The following RBFOX3 variants were observed in gnomAD, a reference collection of about 807,000 sequenced individuals.
RBFOX3 encodes RNA binding fox-1 homolog 3, also known as RNA binding protein fox-1 homolog 3.
RBFOX3 carries 17 observed loss-of-function variants against 48.7 expected under a neutral mutation model. The ratio of observed to expected loss-of-function variants is 0.35; its 90% CI spans 0.24 to 0.52. The LOEUF (loss-of-function observed/expected upper bound fraction) is 0.52, where lower values mean the gene tolerates loss of function less well. Ranked by LOEUF, RBFOX3 falls within the 20% of genes least tolerant of loss-of-function variation. RBFOX3 has a pLI of 0.94. For synonymous variants in RBFOX3, 212 were observed against 209.5 expected, an observed-to-expected ratio of 1.01 and a Z score of -0.10; for missense variants, 382 against 497.5, an observed-to-expected ratio of 0.77 and a Z score of 2.21.
upstream of RBFOX3, among the ~76,000 whole-genome samples, chr17:79,614,484 C>CG (rs1186877066): frequency 2.0e-5 from 3 of 151,678 alleles, no homozygotes; most frequent in East Asian, 5.8e-4. Context: ...TGCAGCCCCC[C>CG]TAAGGTGAGT....
intron 1 of RBFOX3, among the ~76,000 whole-genome samples, chr17:79,560,441 G>A (rs1393391092): frequency 6.6e-6 from 1 of 152,164 alleles, no homozygotes; most frequent in African/African-American, 2.4e-5. Context: ...ACTTCTCCTT[G>A]ACTGTAGCCT....
intron 2 of RBFOX3, among the ~76,000 whole-genome samples, chr17:79,426,774 A>C (rs2067471634): frequency 6.6e-6 from 1 of 152,008 alleles, no homozygotes; most frequent in Non-Finnish European, 1.5e-5. Flanking sequence ...GTGTGATCTT[A>C]GCTCACTGGA....
intron 1 of RBFOX3, among the ~76,000 whole-genome samples, chr17:79,512,388 T>C (rs2149872031): frequency 8.5e-6 from 1 of 118,004 alleles, no homozygotes; most frequent in African/African-American, 3.3e-5. Context: ...CATGTTACCA[T>C]CGGGTACAGC....
chr17:79,558,936 C>T (rs2091979832), intron 1 of RBFOX3, among the ~76,000 whole-genome samples: 1 of 152,068 alleles, frequency 6.6e-6, no homozygotes, highest in East Asian at 2.0e-4. Context: ...TGGGCAGGTG[C>T]CCTCACATAG....
chr17:79,442,494 T>C (rs559826764), intron 2 of RBFOX3, among the ~76,000 whole-genome samples: 1 of 151,818 alleles, frequency 6.6e-6, no homozygotes, highest in South Asian at 2.1e-4. Flanking sequence ...AGGCCCCTTG[T>C]GGTGAGAGGC....
intron 1 of RBFOX3, among the ~76,000 whole-genome samples, chr17:79,568,579 TG>T (rs1174434542): frequency 1.3e-5 from 2 of 152,288 alleles, no homozygotes; most frequent in Middle Eastern, 3.4e-3. Context: ...CAACTAAAGC[TG>T]GGGGTAATGC....
chr17:79,344,343 T>G (rs1410981349), intron 2 of RBFOX3, among the ~76,000 whole-genome samples: 1 of 152,142 alleles, frequency 6.6e-6, no homozygotes, highest in Non-Finnish European at 1.5e-5. Flanking sequence ...GAGTACATCC[T>G]TGGAAGGCTC....
chr17:79,396,789 A>C (rs1436321205), intron 2 of RBFOX3, among the ~76,000 whole-genome samples: 1 of 152,222 alleles, frequency 6.6e-6, no homozygotes, highest in Non-Finnish European at 1.5e-5. Flanking sequence ...TCCCCTCATT[A>C]AAAAGTTGTC....
At chr17:79,400,605 G>A (rs535449854) in intron 2 of RBFOX3, among the ~76,000 whole-genome samples, 40 of 150,656 alleles carry the variant, frequency 2.7e-4, no homozygotes, top group Non-Finnish European at 4.4e-4. Context: ...GGGGGTGGGT[G>A]AAGTGAGTTC....
rs2078891538 is a variant in RBFOX3 at position 79,482,312 on chromosome 17, G to C, written c.-175+142C>G. 1 of 152,228 alleles carries C rather than the reference G, an allele frequency of 6.6e-6. No homozygotes were observed. The highest frequency in any genetic ancestry group is 6.5e-5 in the Admixed American group (1 of 15,292). The allele number at this position is 152,228 out of a possible 1,614,324, so 9.4% of individuals were successfully genotyped here. A position where few individuals can be genotyped will look rare whatever the true frequency, so the allele number is the denominator to read the frequency against. ...CCCTCCTACTCCACAAAGACACCAT[G>C]ACTTGAAAGCTATAGAGAGCAGCAC... On this transcript the variant is annotated intron_variant, in intron 2 of 14. Coordinates refer to ENST00000693108, the MANE Select transcript of RBFOX3 (RefSeq NM_001350451.2). This position sits in a 1 kb window ranked among gnomAD's most constrained non-coding sequence, Gnocchi z 4.1.
At chr17:79,449,000 C>CCT (rs1243513338) in intron 2 of RBFOX3, among the ~76,000 whole-genome samples, 1 of 152,048 alleles carries the variant, frequency 6.6e-6, no homozygotes, top group East Asian at 1.9e-4. Context: ...CCCTGTGGAC[C>CCT]CTCACGTCTG....
intron 1 of RBFOX3, among the ~76,000 whole-genome samples, chr17:79,575,942 G>A (rs1244715729): frequency 2.0e-5 from 3 of 152,226 alleles, no homozygotes; most frequent in Admixed American, 6.5e-5. Context: ...TTGGGAGCTT[G>A]GAGGGATGCT....
At position 79,169,920 on chromosome 17, in the gene RBFOX3, G is replaced by A. The variant is rs111316242; in HGVS notation, c.-33-54172C>T. On this transcript the variant is annotated intron_variant, in intron 4 of 14. Coordinates refer to ENST00000693108, the MANE Select transcript of RBFOX3 (RefSeq NM_001350451.2). ...TTAAAAGGAAAGGAAATGAAGAGAG[G>A]AAAGAAGGAAGAAGAGAAGGAAAGA... Among the ~76,000 whole-genome samples the A allele has an allele frequency of 9.1e-3, 1,378 of 151,822 alleles. 28 individuals are homozygous for A. The highest frequency in any genetic ancestry group is 0.031 in the African/African-American group (1,294 of 41,346).
At chr17:79,609,745 C>T (rs1371310345) in intron 1 of RBFOX3, among the ~76,000 whole-genome samples, 34 of 151,628 alleles carry the variant, frequency 2.2e-4, no homozygotes, top group Non-Finnish European at 7.4e-5. Flanking sequence ...CGCCGCGTCT[C>T]GGTCCCCGCA....
intron 3 of RBFOX3, among the ~76,000 whole-genome samples, chr17:79,267,097 C>T (rs1054645287): frequency 3.9e-5 from 6 of 152,108 alleles, no homozygotes; most frequent in Non-Finnish European, 1.5e-5. Context: ...GGACTTTGCC[C>T]TGCACCTTGG....
intron 3 of RBFOX3, among the ~76,000 whole-genome samples, chr17:79,258,723 TG>T (rs1247450664): frequency 6.6e-6 from 1 of 151,998 alleles, no homozygotes; most frequent in South Asian, 2.1e-4. Context: ...GGCTGGTTGG[TG>T]GGGGGTGCAC....
chr17:79,431,177 A>C (rs1045912007), intron 2 of RBFOX3, among the ~76,000 whole-genome samples: 6 of 152,212 alleles, frequency 3.9e-5, no homozygotes, highest in Non-Finnish European at 1.5e-5. Flanking sequence ...CGAAGGTGTG[A>C]AATGGAAACC....
chr17:79,291,418 T>C (rs1448227600), intron 3 of RBFOX3, among the ~76,000 whole-genome samples: 1 of 152,234 alleles, frequency 6.6e-6, no homozygotes, highest in African/African-American at 2.4e-5. Context: ...CTGGTCTGCA[T>C]GGAGCTGACA....
intron 4 of RBFOX3, among the ~76,000 whole-genome samples, chr17:79,168,994 C>A (rs901646892): frequency 6.6e-6 from 1 of 152,208 alleles, no homozygotes; most frequent in Non-Finnish European, 1.5e-5. Context: ...TTGGAAACAA[C>A]CAGCACCCCA....
Sources: gnomAD v4.1 joint callset for allele counts (sites outside exome capture counted in the v4.1 genomes callset) on GRCh38, gnomAD v4.1.1 for gene constraint, Gnocchi (gnomAD v3.1) non-coding constraint, MANE v1.5 for transcripts, NCBI Gene and HGNC (gene_info 2026-07-23, HGNC 2026-07-21) for gene names.